Variants in NECTIN3 observed in about 807,000 individuals in gnomAD.
NECTIN3 encodes nectin cell adhesion molecule 3.
A neutral mutation model predicts 49.4 loss-of-function variants in NECTIN3; 8 were observed. The ratio of observed to expected loss-of-function variants is 0.16; its 90% confidence interval spans 0.10 to 0.29. NECTIN3 has a LOEUF of 0.29. NECTIN3 is among the 10% of genes least tolerant of loss of function. The pLI is 1.00. For synonymous variants in NECTIN3, 277 were observed against 241.1 expected (o/e 1.15, Z -1.38); for missense variants, 581 against 654.6 (o/e 0.89, Z 1.23).
Position 111,133,656 on chromosome 3 carries a change from T to A in NECTIN3, c.1091T>A (p.Leu364His). Residue 364 changes from leucine (L) to histidine (H), a missense_variant, in exon 6 of 6, where the codon CTT (leucine) becomes CAT (histidine). Transcript: ENST00000485303. ...TTAGATCCTCCTACTACTACCACCC[T>A]TCAGCCTACAATTCAGTGGCATCCC... Reference protein sequence around the residue: ...YISDPPTTTTLQPTIQWHPST... With the variant: ...YISDPPTTTTHQPTIQWHPST... 2 of 1,613,684 alleles carry A rather than the reference T, an allele frequency of 1.2e-6. No individual in the cohort carries two copies. The highest frequency in any genetic ancestry group is 3.3e-5 in the Admixed American group (2 of 59,936).
intron 1 of NECTIN3, chr3:111,072,447 G>C (rs1280323516): frequency 6.5e-7 from 1 of 1,534,828 alleles, no homozygotes; most frequent in South Asian, 1.2e-5. Flanking sequence ...ATGGTGCTTC[G>C]TGCGCCGAAC....
At chr3:111,100,296 T>C (rs1440608416) in intron 1 of NECTIN3, among the ~76,000 whole-genome samples, 2 of 152,148 alleles carry the variant, frequency 1.3e-5, no homozygotes, top group African/African-American at 2.4e-5. Context: ...ATTGTCAACT[T>C]CTAAGAAGAT....
chr3:111,117,941 A>G (rs1042828710), intron 2 of NECTIN3, among the ~76,000 whole-genome samples: 1 of 152,032 alleles, frequency 6.6e-6, no homozygotes, highest in Non-Finnish European at 1.5e-5. Context: ...ACATTCCAGT[A>G]AACTTAACTA....
At chr3:111,072,673 C>T in intron 1 of NECTIN3, 1 of 1,186,320 alleles carries the variant, frequency 8.4e-7, no homozygotes, top group Non-Finnish European at 1.2e-6. Context: ...GCCCACCCAG[C>T]CGCAGAATCC....
intron 2 of NECTIN3, among the ~76,000 whole-genome samples, chr3:111,117,922 G>A (rs115118703): frequency 0.01 from 1,576 of 152,078 alleles, 33 homozygotes; most frequent in African/African-American, 0.035. Context: ...AAGAAAATAG[G>A]TGGTATGTAC....
At position 111,121,610 on chromosome 3, in the gene NECTIN3, A is replaced by G. The variant is rs2033958729; in HGVS notation, c.800-511A>G. Among the ~76,000 whole-genome samples, 4 of 152,248 alleles carry G rather than the reference A, an allele frequency of 2.6e-5. No homozygotes were observed. In the South Asian group the frequency reaches 8.3e-4, roughly 32 times the overall value. On this transcript the variant is annotated intron_variant, in intron 3 of 5. Coordinates refer to ENST00000485303, the MANE Select transcript of NECTIN3 (RefSeq NM_015480.3). ...TGTCACATCTCTACATGCCCCCAAT[A>G]TATTAATTAATTGTAACATAGGGAA...
At chr3:111,113,142 CT>C (rs2033544202) in intron 2 of NECTIN3, among the ~76,000 whole-genome samples, 1 of 152,114 alleles carries the variant, frequency 6.6e-6, no homozygotes, top group South Asian at 2.1e-4. Context: ...CAGGGCTATT[CT>C]TTTTGTGAGT....
intron 1 of NECTIN3, chr3:111,072,904 G>T (rs1180511028): frequency 4.7e-6 from 1 of 211,762 alleles, no homozygotes; most frequent in Non-Finnish European, 9.5e-6. Context: ...ACAGTCACGC[G>T]CCTGTTTCCC....
intron 6 of NECTIN3, among the ~76,000 whole-genome samples, chr3:111,147,198 C>T (rs1257540109): frequency 6.6e-6 from 1 of 152,068 alleles, no homozygotes; most frequent in Non-Finnish European, 1.5e-5. Flanking sequence ...ATATGGCAAC[C>T]TTTAACACCA....
chr3:111,106,060 T>C (rs772859113), intron 1 of NECTIN3, among the ~76,000 whole-genome samples: 21 of 151,856 alleles, frequency 1.4e-4, no homozygotes, highest in Non-Finnish European at 2.6e-4. Flanking sequence ...CTTCACTTAA[T>C]GTATAGGATA....
At chr3:111,085,854 G>A (rs1005186049) in intron 1 of NECTIN3, among the ~76,000 whole-genome samples, 13 of 152,000 alleles carry the variant, frequency 8.6e-5, no homozygotes, top group African/African-American at 3.1e-4. Context: ...TTTGGTGGTG[G>A]TATTGCTGGT....
chr3:111,145,701 A>C (rs1046721434), intron 6 of NECTIN3, among the ~76,000 whole-genome samples: 14 of 152,292 alleles, frequency 9.2e-5, no homozygotes, highest in Middle Eastern at 3.4e-3. Context: ...CTTACCTCAC[A>C]TGGTTGAGAT....
chr3:111,147,333 C>A, intron 6 of NECTIN3: 2 of 1,198,954 alleles, frequency 1.7e-6, no homozygotes, highest in South Asian at 1.5e-5. Flanking sequence ...TTATGAGAAC[C>A]TTGATTTTCT....
chr3:111,111,952 C>A, intron 1 of NECTIN3, 78 bp from the exon 2 acceptor site: 1 of 815,200 alleles, frequency 1.2e-6, no homozygotes, highest in African/African-American at 1.8e-5. Context: ...GATAGTTACA[C>A]AGGGGGTCAG....
At position 111,112,057 on chromosome 3, in the gene NECTIN3, A is replaced by C; in HGVS notation, c.188A>C (p.Glu63Ala). ...GCCTTAGCTGGACCAATTATTGTGG[A>C]GCCACATGTCACAGCAGTATGGGGA... ...CGALAGPIIV[E>A]PHVTAVWGKN... The change falls in exon 2 of 6, where the codon GAG (glutamate) becomes GCG (alanine). Residue 63 changes from glutamate (E) to alanine (A), a missense_variant. Around this residue, in one of 3 missense-constraint regions of NECTIN3, gnomAD observed 234 missense variants for 340.6 expected, o/e 0.69. Coordinates refer to ENST00000485303, the MANE Select transcript of NECTIN3 (RefSeq NM_015480.3). The C allele has an allele frequency of 6.2e-7, 1 of 1,610,740 alleles. No individual in the cohort carries two copies. Among genetic ancestry groups the C allele is most frequent in the Non-Finnish European group, 8.5e-7 (1 of 1,177,858 alleles).
upstream of NECTIN3, among the ~76,000 whole-genome samples, chr3:111,190,494 G>A (rs1413476243): frequency 1.3e-5 from 2 of 152,292 alleles, no homozygotes; most frequent in Non-Finnish European, 2.9e-5. Flanking sequence ...CAACAGAAAT[G>A]TATTTCTTAT....
chr3:111,191,598 G>A (rs1235312356), upstream of NECTIN3, among the ~76,000 whole-genome samples: 1 of 151,912 alleles, frequency 6.6e-6, no homozygotes, highest in Non-Finnish European at 1.5e-5. Context: ...CTGTGTGGGG[G>A]GAGGGTGGGG....
In NECTIN3 at chr3:111,134,218, A is replaced by G. The variant is rs749032141; in HGVS notation, c.*3A>G. ...CCAGGAGGGAGTGGTATGTTTAGCAACCACTGAATGTGACTTAACTATGTA... is the reference window on the plus strand; with the variant it reads ...CCAGGAGGGAGTGGTATGTTTAGCAGCCACTGAATGTGACTTAACTATGTA... On this transcript the variant is annotated 3_prime_UTR_variant, in exon 6 of 6. Coordinates refer to ENST00000485303, the MANE Select transcript of NECTIN3 (RefSeq NM_015480.3). 6.3e-6 allele frequency: 10 copies of G among 1,584,660 alleles called. No homozygotes were observed. In the South Asian group the frequency reaches 8.3e-5, roughly 13 times the overall value.
At chr3:111,113,272 A>T (rs189693990) in intron 2 of NECTIN3, among the ~76,000 whole-genome samples, 1 of 152,266 alleles carries the variant, frequency 6.6e-6, no homozygotes, top group African/African-American at 2.4e-5. Flanking sequence ...CCTTTAATGG[A>T]ATATGACCAT....
Sources: gnomAD v4.1 joint callset for allele counts (sites outside exome capture counted in the v4.1 genomes callset) on GRCh38, gnomAD v4.1.1 for gene constraint, gnomAD v4.1.1 regional missense constraint, MANE v1.5 for transcripts, NCBI Gene and HGNC (gene_info 2026-07-23, HGNC 2026-07-21) for gene names.